The following CSMD3 variants were observed in gnomAD, a reference collection of about 807,000 sequenced individuals.
CSMD3 encodes CUB and Sushi multiple domains 3.
CSMD3 carries 177 observed loss-of-function variants against 435.2 expected under a neutral mutation model. The ratio of observed to expected loss-of-function variants is 0.41; its 90% CI spans 0.36 to 0.46. The LOEUF (loss-of-function observed/expected upper bound fraction) is 0.46, where lower values mean the gene tolerates loss of function less well. Ranked by LOEUF, CSMD3 falls within the 20% of genes least tolerant of loss-of-function variation. The pLI, the probability that CSMD3 is intolerant of heterozygous loss-of-function variation, is 0.34. For synonymous variants in CSMD3, 1,656 were observed against 1,520.5 expected, an observed-to-expected ratio of 1.09 and a Z score of -2.07; for missense variants, 4,265 against 4,504.6, an observed-to-expected ratio of 0.95 and a Z score of 1.52.
chr8:112,876,073 T>G (rs904759326), intron 10 of CSMD3, among the ~76,000 whole-genome samples: 2 of 152,056 alleles, frequency 1.3e-5, no homozygotes, highest in Non-Finnish European at 2.9e-5. Context: ...CGGTCTTTGA[T>G]GTCGGTGACC....
chr8:112,786,372 T>G (rs1405738687), intron 13 of CSMD3, among the ~76,000 whole-genome samples: 2 of 152,098 alleles, frequency 1.3e-5, no homozygotes, highest in Non-Finnish European at 2.9e-5. Flanking sequence ...CAAACATTTC[T>G]TATTTATTAC....
chr8:113,235,268 C>T (rs1206595830), intron 3 of CSMD3, among the ~76,000 whole-genome samples: 2 of 152,082 alleles, frequency 1.3e-5, no homozygotes, highest in Non-Finnish European at 2.9e-5. Flanking sequence ...ACTAATGTCC[C>T]TCCCTACCTT....
At chr8:112,845,211 G>C (rs891376140) in intron 11 of CSMD3, among the ~76,000 whole-genome samples, 6 of 152,052 alleles carry the variant, frequency 3.9e-5, no homozygotes, top group Admixed American at 1.3e-4. Context: ...CCACATGACA[G>C]TTACTTCATT....
chr8:113,150,311 C>T (rs2091777481), intron 4 of CSMD3, among the ~76,000 whole-genome samples: 1 of 151,874 alleles, frequency 6.6e-6, no homozygotes, highest in Admixed American at 6.6e-5. Context: ...CTTGGTGGGC[C>T]TGATCTAATC....
chr8:113,425,992 C>T (rs1346150733), intron 1 of CSMD3, among the ~76,000 whole-genome samples: 1 of 151,462 alleles, frequency 6.6e-6, no homozygotes, highest in Non-Finnish European at 1.5e-5. Flanking sequence ...TATGTGAACA[C>T]TGAGTAAATA....
intron 10 of CSMD3, among the ~76,000 whole-genome samples, chr8:112,904,478 A>G (rs923053232): frequency 2.6e-5 from 4 of 151,496 alleles, no homozygotes; most frequent in Admixed American, 2.6e-4. Context: ...TAAAGCCTTT[A>G]GATGACTAAG....
At chr8:112,882,817 T>C (rs948451991) in intron 10 of CSMD3, among the ~76,000 whole-genome samples, 1 of 152,010 alleles carries the variant, frequency 6.6e-6, no homozygotes, top group Non-Finnish European at 1.5e-5. Flanking sequence ...TAAGAAACTT[T>C]TGATGCCCAT....
intron 5 of CSMD3, among the ~76,000 whole-genome samples, chr8:113,060,074 T>C (rs2088541623): frequency 1.4e-5 from 2 of 144,276 alleles, no homozygotes; most frequent in South Asian, 2.3e-4. Context: ...ACATGTGCCA[T>C]GCTGGTGCGC....
rs77345467 is a variant in CSMD3 at position 112,906,572 on chromosome 8, G to A, written c.1633+15055C>T. On this transcript the variant is annotated intron_variant, in intron 10 of 70. Coordinates refer to ENST00000297405, the MANE Select transcript of CSMD3 (RefSeq NM_198123.2). ...CAACTAGGGATAAGCATCACTTAAGGTTTGGGCCAGTGCAATAAGGTAGGA... is the reference window on the plus strand; with the variant it reads ...CAACTAGGGATAAGCATCACTTAAGATTTGGGCCAGTGCAATAAGGTAGGA... Among the ~76,000 whole-genome samples the A allele has an allele frequency of 2.9e-3, 435 of 151,492 alleles. 4 individuals are homozygous for A. Among genetic ancestry groups the A allele is most frequent in the African/African-American group, 9.9e-3 (412 of 41,426 alleles).
intron 22 of CSMD3, among the ~76,000 whole-genome samples, chr8:112,636,179 C>T (rs1449083092): frequency 6.6e-6 from 1 of 151,974 alleles, no homozygotes; most frequent in Non-Finnish European, 1.5e-5. Context: ...AAAATATTTA[C>T]TTCCAAAGAT....
At chr8:112,263,234 A>G (rs1174074379) in intron 61 of CSMD3, among the ~76,000 whole-genome samples, 3 of 151,998 alleles carry the variant, frequency 2.0e-5, no homozygotes, top group Non-Finnish European at 2.9e-5. Context: ...AATCATTATC[A>G]TGACAAATGC....
intron 11 of CSMD3, among the ~76,000 whole-genome samples, chr8:112,848,584 G>T (rs994406498): frequency 3.3e-5 from 5 of 152,062 alleles, no homozygotes; most frequent in Non-Finnish European, 7.4e-5. Flanking sequence ...GGGATGGGAT[G>T]AAAAATAAGC....
chr8:112,416,727 A>G (rs1480505195), intron 32 of CSMD3, among the ~76,000 whole-genome samples: 2 of 152,176 alleles, frequency 1.3e-5, no homozygotes, highest in Non-Finnish European at 2.9e-5. Context: ...ATTTATGTAA[A>G]TTAATATTTC....
chr8:112,255,235 A>C lies in CSMD3; in HGVS notation c.10036+19T>G. The C allele has an allele frequency of 6.3e-7, 1 of 1,597,392 alleles. No homozygotes were observed. The highest frequency in any genetic ancestry group is 8.6e-7 in the Non-Finnish European group (1 of 1,164,916). Reference sequence around the variant, plus strand: ...AATTACACAGTTACTGTGCATAATCAGCCTTTAATTAATATTACCTATGCA... The same window carrying C: ...AATTACACAGTTACTGTGCATAATCCGCCTTTAATTAATATTACCTATGCA... On this transcript the variant is annotated intron_variant, in intron 62 of 70. Coordinates refer to ENST00000297405, the MANE Select transcript of CSMD3 (RefSeq NM_198123.2).
intron 24 of CSMD3, among the ~76,000 whole-genome samples, chr8:112,566,405 A>T (rs549116087): frequency 6.6e-6 from 1 of 152,188 alleles, no homozygotes; most frequent in East Asian, 1.9e-4. Flanking sequence ...TCTTATATTG[A>T]ACATTATGAT....
At chr8:112,639,388 T>C (rs1025966455) in intron 20 of CSMD3, among the ~76,000 whole-genome samples, 1 of 152,176 alleles carries the variant, frequency 6.6e-6, no homozygotes, top group Non-Finnish European at 1.5e-5. Context: ...TGCTATCTGT[T>C]AGATGAATGT....
At chr8:112,976,315 G>A (rs1237886361) in intron 6 of CSMD3, among the ~76,000 whole-genome samples, 167 bp from the exon 7 acceptor site, 1 of 151,900 alleles carries the variant, frequency 6.6e-6, no homozygotes. Flanking sequence ...TAGATCTGTC[G>A]GTTTGTTTCT....
chr8:113,387,035 A>T (rs778804991), intron 1 of CSMD3, among the ~76,000 whole-genome samples: 19 of 151,876 alleles, frequency 1.3e-4, no homozygotes, highest in Non-Finnish European at 2.2e-4. Context: ...GCCAAGGAAC[A>T]TTTTGAATTG....
intron 32 of CSMD3, among the ~76,000 whole-genome samples, chr8:112,443,100 G>A (rs1287154932): frequency 1.3e-5 from 2 of 152,080 alleles, no homozygotes; most frequent in Non-Finnish European, 2.9e-5. Flanking sequence ...CCTGGTGCCA[G>A]GAACTTAGGT....
Sources: allele counts gnomAD v4.1 joint callset (sites outside exome capture counted in the v4.1 genomes callset), GRCh38; gene constraint gnomAD v4.1.1; transcripts MANE v1.5; gene names NCBI Gene and HGNC (gene_info 2026-07-23, HGNC 2026-07-21).